Variants in FAXC observed in about 807,000 individuals in gnomAD.
FAXC encodes failed axon connections homolog, metaxin like GST domain containing.
In FAXC, 10 loss-of-function variants were observed where a neutral mutation model predicts 41.9. The ratio of observed to expected loss-of-function variants is 0.24; its 90% CI spans 0.15 to 0.41. The LOEUF is 0.41. Ranked by LOEUF, FAXC falls within the 10% of genes least tolerant of loss-of-function variation. The pLI is 1.00. For missense variants in FAXC, 399 were observed against 510.9 expected, an observed-to-expected ratio of 0.78 and a Z score of 2.11; for synonymous variants, 183 against 183.8, an observed-to-expected ratio of 1.00 and a Z score of 0.03.
Position 99,341,833 on chromosome 6 carries a change from A to ACC in FAXC, c.402+1064_402+1065insGG, listed in dbSNP as rs542769248. ...TAAAAAAGTAACTACAAACCAGGCTAAAGCTTCAGTGAATTCCAAGGAATC... is the reference window on the plus strand; with the variant it reads ...TAAAAAAGTAACTACAAACCAGGCTACCAAGCTTCAGTGAATTCCAAGGAATC... On this transcript the variant is annotated intron_variant, in intron 2 of 5. Transcript: ENST00000389677. 3.5e-4 allele frequency among the ~76,000 whole-genome samples: 53 copies of ACC among 152,358 alleles called. No homozygotes were observed. The South Asian group carries it at 0.011, about 31-fold the overall frequency.
At chr6:99,339,968 G>A (rs1773361092) in intron 2 of FAXC, among the ~76,000 whole-genome samples, 1 of 152,006 alleles carries the variant, frequency 6.6e-6, no homozygotes, top group African/African-American at 2.4e-5. Context: ...GATAATAAGA[G>A]TTTATAAAGG....
intron 4 of FAXC, among the ~76,000 whole-genome samples, chr6:99,307,433 G>A (rs571820586): frequency 1.3e-5 from 2 of 152,282 alleles, no homozygotes; most frequent in African/African-American, 4.8e-5. Flanking sequence ...TGAGGTGAGT[G>A]AAAGGCTGGG....
At chr6:99,322,676 G>T (rs1181500426) in intron 4 of FAXC, among the ~76,000 whole-genome samples, 1 of 152,124 alleles carries the variant, frequency 6.6e-6, no homozygotes, top group African/African-American at 2.4e-5. Flanking sequence ...CACATAGAAG[G>T]TCCTGAATTC....
intron 1 of FAXC, among the ~76,000 whole-genome samples, chr6:99,346,324 C>G (rs887767078): frequency 6.6e-6 from 1 of 152,164 alleles, no homozygotes; most frequent in African/African-American, 2.4e-5. Flanking sequence ...GTCTGTCTTC[C>G]CTGAGCAATG....
chr6:99,313,433 TA>T (rs1303123792), intron 4 of FAXC, among the ~76,000 whole-genome samples: 1 of 152,250 alleles, frequency 6.6e-6, no homozygotes, highest in African/African-American at 2.4e-5. Flanking sequence ...TATTTATTTA[TA>T]AAAGCTCTTC....
At chr6:99,286,265 C>T (rs1156803753) in intron 5 of FAXC, among the ~76,000 whole-genome samples, 1 of 152,178 alleles carries the variant, frequency 6.6e-6, no homozygotes, top group Admixed American at 6.5e-5. Flanking sequence ...CCCCCTTTGC[C>T]TTGTCTCCTC....
chr6:99,292,262 C>T (rs961502582), intron 4 of FAXC, among the ~76,000 whole-genome samples: 1 of 152,210 alleles, frequency 6.6e-6, no homozygotes, highest in East Asian at 1.9e-4. Flanking sequence ...CCAGGAAAAA[C>T]AAGAAGCCTA....
intron 4 of FAXC, among the ~76,000 whole-genome samples, chr6:99,302,345 C>T (rs172715): frequency 6.6e-6 from 1 of 152,164 alleles, no homozygotes; most frequent in African/African-American, 2.4e-5. Context: ...AATGCTTCTG[C>T]CACATTCTTC....
intron 3 of FAXC, 63 bp downstream of exon 3, chr6:99,333,288 G>C: frequency 7.2e-7 from 1 of 1,395,336 alleles, no homozygotes; most frequent in Non-Finnish European, 9.8e-7. Flanking sequence ...AAGAGGATCT[G>C]AAAAGTGAAA....
rs758308781 is a variant in FAXC, at chr6:99,291,720, G to T, written c.924C>A (p.Pro308=). ...QAMWTLPGTR[P]ERLIKGELIN... is the part of the protein sequence containing the mutation. ...AGGGCTTGCCTTTGATCAGCCGTTCGGGTCTTGTCCCTGGTAAGGTCCACA... is the reference window on the plus strand; with the variant it reads ...AGGGCTTGCCTTTGATCAGCCGTTCTGGTCTTGTCCCTGGTAAGGTCCACA... The change falls in exon 5 of 6, where the codon CCC becomes CCA. Residue 308 remains proline, a synonymous_variant. Coordinates refer to ENST00000389677, the MANE Select transcript of FAXC (RefSeq NM_032511.4). 3 of 1,613,768 alleles carry T rather than the reference G, an allele frequency of 1.9e-6. No individual in the cohort carries two copies. The highest frequency in any genetic ancestry group is 2.5e-6 in the Non-Finnish European group (3 of 1,179,828).
rs769444082 is a variant in FAXC, at chr6:99,291,747, T to G, written c.897A>C (p.Ala299=). The change falls in exon 5 of 6, where the codon GCA becomes GCC. Residue 299 remains alanine, a synonymous_variant. Transcript: ENST00000389677. Reference sequence around the variant, plus strand: ...GTCTTGTCCCTGGTAAGGTCCACATTGCCTGTGCCAAGTGTCCAAAGACAG... The same window carrying G: ...GTCTTGTCCCTGGTAAGGTCCACATGGCCTGTGCCAAGTGTCCAAAGACAG... The part of the protein sequence containing the change: ...DATVFGHLAQ[A]MWTLPGTRPE... 1.2e-6 allele frequency: 2 copies of G among 1,614,034 alleles called. No homozygotes were observed. Among genetic ancestry groups the G allele is most frequent in the Non-Finnish European group, 1.7e-6 (2 of 1,180,030 alleles).
intron 1 of FAXC, among the ~76,000 whole-genome samples, chr6:99,344,333 A>C (rs563514019): frequency 6.6e-6 from 1 of 152,086 alleles, no homozygotes; most frequent in African/African-American, 2.4e-5. Context: ...GACCCAGCTG[A>C]TTTCTAGTCA....
chr6:99,305,131 T>C (rs1771868954), intron 4 of FAXC, among the ~76,000 whole-genome samples: 1 of 152,144 alleles, frequency 6.6e-6, no homozygotes. Context: ...AGAATTCAGC[T>C]TGTGGAGAAA....
chr6:99,283,781 A>G (rs1770918275), intron 5 of FAXC, among the ~76,000 whole-genome samples: 1 of 152,232 alleles, frequency 6.6e-6, no homozygotes, highest in South Asian at 2.1e-4. Flanking sequence ...GGGGAGGTAA[A>G]GAGACATCAA....
intron 4 of FAXC, among the ~76,000 whole-genome samples, chr6:99,318,137 T>TA (rs1772434635): frequency 6.6e-6 from 1 of 151,938 alleles, no homozygotes; most frequent in African/African-American, 2.4e-5. Context: ...TGGGCGCCTT[T>TA]AGTCCCAGCT....
At chr6:99,328,659 C>G (rs1772915733) in intron 3 of FAXC, among the ~76,000 whole-genome samples, 1 of 152,208 alleles carries the variant, frequency 6.6e-6, no homozygotes, top group Non-Finnish European at 1.5e-5. Context: ...CCTTCATCTG[C>G]CACTCCCAAC....
intron 4 of FAXC, among the ~76,000 whole-genome samples, chr6:99,305,833 T>C (rs111419927): frequency 0.022 from 3,396 of 152,164 alleles, 129 homozygotes; most frequent in African/African-American, 0.077. Context: ...TCAGTTCTTA[T>C]CAATATTAAT....
chr6:99,332,176 G>A (rs949620198), intron 3 of FAXC, among the ~76,000 whole-genome samples: 27 of 151,916 alleles, frequency 1.8e-4, no homozygotes, highest in East Asian at 7.7e-4. Flanking sequence ...AAAAGAAGAG[G>A]GTCACTTAAA....
At chr6:99,326,611 G>C (rs1336413488) in intron 3 of FAXC, among the ~76,000 whole-genome samples, 1 of 152,162 alleles carries the variant, frequency 6.6e-6, no homozygotes, top group Admixed American at 6.5e-5. Context: ...GGGCATGTTG[G>C]TGGTGGTTTC....
Sources: gnomAD v4.1 joint callset for allele counts (sites outside exome capture counted in the v4.1 genomes callset) on GRCh38, gnomAD v4.1.1 for gene constraint, MANE v1.5 for transcripts, NCBI Gene and HGNC (gene_info 2026-07-23, HGNC 2026-07-21) for gene names.